POLN: variants seen among roughly 807,000 people sequenced by gnomAD.
POLN encodes the protein DNA polymerase nu.
In POLN, 108 loss-of-function variants were observed where a neutral mutation model predicts 113.5. That is an observed-to-expected ratio of 0.95 (90% CI 0.81 to 1.12). The LOEUF (loss-of-function observed/expected upper bound fraction) is 1.12, where lower values mean the gene tolerates loss of function less well. Ranked by LOEUF, POLN falls within the 50% of genes most tolerant of loss-of-function variation. The pLI is 0.00. For synonymous variants in POLN, 386 were observed against 391.5 expected, an observed-to-expected ratio of 0.99 and a Z score of 0.17; for missense variants, 1,097 against 1,077.1, an observed-to-expected ratio of 1.02 and a Z score of -0.26.
At chr4:2,214,914 T>TG (rs1281575398) in intron 3 of POLN, among the ~76,000 whole-genome samples, 12 of 151,674 alleles carry the variant, frequency 7.9e-5, no homozygotes, top group Non-Finnish European at 1.6e-4. Flanking sequence ...TGTATATACA[T>TG]ATACATATAT....
chr4:2,153,243 T>C (rs1279518615), intron 16 of POLN, among the ~76,000 whole-genome samples: 1 of 152,222 alleles, frequency 6.6e-6, no homozygotes, highest in Non-Finnish European at 1.5e-5. Flanking sequence ...TATGTGTATA[T>C]GTACAGATAT....
intron 22 of POLN, 148 bp from the exon 23 acceptor site, chr4:2,081,184 G>A (rs142193811): frequency 1.1e-5 from 17 of 1,590,206 alleles, no homozygotes; most frequent in Middle Eastern, 4.1e-4. Context: ...ACAGATGACT[G>A]CAGGCAGACA....
chr4:2,237,780 T>C (rs903422224), intron 2 of POLN, among the ~76,000 whole-genome samples: 1 of 152,186 alleles, frequency 6.6e-6, no homozygotes, highest in African/African-American at 2.4e-5. Flanking sequence ...AAAATGTAAA[T>C]AGTTACATAA....
chr4:2,218,277 CAAAAAAAAAA>C (rs376746658), intron 3 of POLN, among the ~76,000 whole-genome samples: 1 of 89,802 alleles, frequency 1.1e-5, no homozygotes, highest in East Asian at 2.8e-4. Context: ...ACTAAAAATA[CAAAAAAAAAA>C]AAAAAAAATT....
At position 2,187,747 on chromosome 4, in the gene POLN, G is replaced by A. The variant is rs192659332; in HGVS notation, c.1021+5457C>T. On this transcript the variant is annotated intron_variant, in intron 7 of 25. Transcript: ENST00000511885. Reference sequence around the variant, plus strand: ...AAAAGAACAAATAACATATAAAGGAGCTCCAATTCATCTGGCAACAGGTTT... The same window carrying A: ...AAAAGAACAAATAACATATAAAGGAACTCCAATTCATCTGGCAACAGGTTT... 5.9e-5 allele frequency among the ~76,000 whole-genome samples: 9 copies of A among 152,182 alleles called. No homozygotes were observed. In the East Asian group the frequency reaches 1.7e-3, roughly 29 times the overall value.
chr4:2,179,556 A>G, intron 7 of POLN, 91 bp from the exon 8 acceptor site: 1 of 1,234,006 alleles, frequency 8.1e-7, no homozygotes. Flanking sequence ...AACGAATAGT[A>G]GTAGTATTGT....
chr4:2,189,631 T>C (rs1733385737), intron 7 of POLN, among the ~76,000 whole-genome samples: 1 of 130,872 alleles, frequency 7.6e-6, no homozygotes, highest in African/African-American at 3.5e-5. Context: ...AGAGAGAGAC[T>C]CCATCTCAAA....
intron 3 of POLN, among the ~76,000 whole-genome samples, chr4:2,218,931 G>T (rs760294434): frequency 6.6e-6 from 1 of 152,148 alleles, no homozygotes; most frequent in Admixed American, 6.5e-5. Flanking sequence ...ACCACCCTGT[G>T]CCCTGAATCC....
At chr4:2,155,461 T>C (rs1276149502) in intron 16 of POLN, among the ~76,000 whole-genome samples, 2 of 152,180 alleles carry the variant, frequency 1.3e-5, no homozygotes, top group East Asian at 3.8e-4. Context: ...CCAGCCTCTC[T>C]TCCTCTTCCT....
chr4:2,214,705 A>G (rs1402721830), intron 3 of POLN, among the ~76,000 whole-genome samples: 2 of 152,138 alleles, frequency 1.3e-5, no homozygotes, highest in Non-Finnish European at 1.5e-5. Flanking sequence ...ACTTATTAAA[A>G]TTAATAATGC....
chr4:2,228,148 C>G (rs1207148883), intron 3 of POLN: 1 of 154,230 alleles, frequency 6.5e-6, no homozygotes, highest in African/African-American at 2.4e-5. Flanking sequence ...TCAATTATAT[C>G]TCACTCACTT....
chr4:2,107,660 G>T (rs150396061), intron 19 of POLN, among the ~76,000 whole-genome samples: 113 of 152,318 alleles, frequency 7.4e-4, no homozygotes, highest in Middle Eastern at 6.8e-3. Flanking sequence ...AGGCCAGGGG[G>T]ACCACTGGCC....
intron 19 of POLN, among the ~76,000 whole-genome samples, chr4:2,125,026 C>G (rs554432603): frequency 6.6e-6 from 1 of 152,314 alleles, no homozygotes; most frequent in Admixed American, 6.5e-5. Flanking sequence ...GGATTTCTTT[C>G]TAGGGTTATA....
At chr4:2,077,805 G>A (rs550906421) in intron 23 of POLN, among the ~76,000 whole-genome samples, 5 of 152,308 alleles carry the variant, frequency 3.3e-5, no homozygotes, top group South Asian at 4.1e-4. Flanking sequence ...AGACATGACC[G>A]CGCTTCTAAC....
chr4:2,081,944 G>A (rs1020085147), intron 21 of POLN, among the ~76,000 whole-genome samples: 4 of 141,424 alleles, frequency 2.8e-5, no homozygotes, highest in African/African-American at 1.2e-4. Flanking sequence ...TGGGCACTCT[G>A]CACTTTTTTT....
intron 6 of POLN, 112 bp downstream of exon 6, chr4:2,198,412 C>T (rs1733631151): frequency 2.4e-6 from 2 of 837,700 alleles, no homozygotes; most frequent in Non-Finnish European, 3.4e-6. Context: ...TTCATGTGCC[C>T]ATACAAAACT....
intron 15 of POLN, among the ~76,000 whole-genome samples, chr4:2,157,526 C>A (rs1732464351): frequency 6.6e-6 from 1 of 151,970 alleles, no homozygotes; most frequent in South Asian, 2.1e-4. Flanking sequence ...GAGTTTGAGA[C>A]CAGCCTGGCC....
chr4:2,171,273 A>G, intron 11 of POLN, 92 bp from the exon 12 acceptor site: 1 of 1,169,670 alleles, frequency 8.5e-7, no homozygotes, highest in South Asian at 1.4e-5. Flanking sequence ...CAACAGCGAG[A>G]TGGGCACGGT....
chr4:2,148,755 C>T (rs980441529), intron 16 of POLN, among the ~76,000 whole-genome samples: 1 of 151,912 alleles, frequency 6.6e-6, no homozygotes, highest in Non-Finnish European at 1.5e-5. Flanking sequence ...CCAAGAAACT[C>T]AATGAATCCT....
Sources: gnomAD v4.1 joint callset for allele counts (sites outside exome capture counted in the v4.1 genomes callset) on GRCh38, gnomAD v4.1.1 for gene constraint, MANE v1.5 for transcripts, NCBI Gene and HGNC (gene_info 2026-07-23, HGNC 2026-07-21) for gene names.